The following GLRA2 variants were observed in gnomAD, a reference collection of about 807,000 sequenced individuals.
GLRA2 encodes the protein glycine receptor subunit alpha-2.
Under a neutral mutation model 31.6 loss-of-function variants are expected in GLRA2, and 11 were observed. That is an observed-to-expected ratio of 0.35 (90% CI 0.22 to 0.58). The LOEUF is 0.58. Among genes scored for constraint, GLRA2 ranks in the 20% least tolerant of loss-of-function variants. The pLI, the probability that GLRA2 is intolerant of heterozygous loss-of-function variation, is 0.84. For synonymous variants in GLRA2, 132 were observed against 134.0 expected (o/e 0.99, Z 0.10); for missense variants, 212 against 351.8 (o/e 0.60, Z 3.18).
chrX:14,482,699 T>C, the GLRA2 span, among the ~76,000 whole-genome samples: 1 of 110,765 alleles, frequency 9.0e-6, no homozygotes. Flanking sequence ...GTCCTAAAAT[T>C]GAGCATGTCA....
chrX:14,675,809 T>A (rs2091139393), intron 7 of GLRA2, among the ~76,000 whole-genome samples: 1 of 112,126 alleles, frequency 8.9e-6, no homozygotes, highest in Non-Finnish European at 1.9e-5. Flanking sequence ...CAGGATTAAC[T>A]TGACTATATT....
chrX:14,627,128 A>T (rs1387349243), intron 7 of GLRA2, among the ~76,000 whole-genome samples: 1 of 111,272 alleles, frequency 9.0e-6, no homozygotes, highest in Non-Finnish European at 1.9e-5. Context: ...CTCAATATTT[A>T]AAAAAATAAG....
intron 2 of GLRA2, among the ~76,000 whole-genome samples, chrX:14,553,557 C>T (rs1488662552): frequency 9.0e-6 from 1 of 111,007 alleles, no homozygotes; most frequent in Admixed American, 9.5e-5. Flanking sequence ...TTTTGGTATT[C>T]CCAGGAGCTT....
chrX:14,725,759 T>C (rs1296160452), intron 8 of GLRA2, among the ~76,000 whole-genome samples: 1 of 111,996 alleles, frequency 8.9e-6, no homozygotes, highest in African/African-American at 3.2e-5. Flanking sequence ...ATGAGCAAAT[T>C]TTACAATAAG....
intron 8 of GLRA2, among the ~76,000 whole-genome samples, chrX:14,703,557 T>C (rs1471756601): frequency 9.0e-6 from 1 of 111,719 alleles, no homozygotes; most frequent in African/African-American, 3.3e-5. Context: ...GGATAACATA[T>C]TCACAGGTTC....
upstream of GLRA2, among the ~76,000 whole-genome samples, chrX:14,526,100 G>A (rs2089186356): frequency 8.9e-6 from 1 of 112,243 alleles, no homozygotes; most frequent in Non-Finnish European, 1.9e-5. Flanking sequence ...TTAGAGTAAT[G>A]CAGGTCAGGA....
intron 8 of GLRA2, among the ~76,000 whole-genome samples, chrX:14,727,556 T>A (rs138692108): frequency 1.3e-4 from 15 of 112,321 alleles, no homozygotes; most frequent in African/African-American, 4.5e-4. Context: ...TTCCTTTTCT[T>A]GCTAAGCACT....
chrX:14,524,033 CAA>C, the GLRA2 span, among the ~76,000 whole-genome samples: 1 of 111,582 alleles, frequency 9.0e-6, no homozygotes, highest in African/African-American at 3.3e-5. Context: ...TAATGTGACA[CAA>C]AGACACAAAG....
At chrX:14,568,983 G>T (rs929982223) in intron 2 of GLRA2, among the ~76,000 whole-genome samples, 3 of 112,101 alleles carry the variant, frequency 2.7e-5, no homozygotes, top group Non-Finnish European at 5.6e-5. Flanking sequence ...GGCCAAGTGT[G>T]GTGGCTCATG....
At chrX:14,712,633 T>G (rs895548664) in intron 8 of GLRA2, among the ~76,000 whole-genome samples, 4 of 106,057 alleles carry the variant, frequency 3.8e-5, no homozygotes, top group Non-Finnish European at 5.8e-5. Flanking sequence ...AGTACCAAAA[T>G]CAAGGGTTTA....
rs2091342140 is a variant in GLRA2, at chrX:14,690,879, C to T, written c.1080+20C>T. 1 of 1,201,619 alleles carries T rather than the reference C, an allele frequency of 8.3e-7. No individual in the cohort carries two copies. Among genetic ancestry groups the T allele is most frequent in the African/African-American group, 1.8e-5 (1 of 56,812 alleles). ...AATAAGGTATGATTGCCCCTCAGTTCAGACAATGTAGAGCTTGAGTTGGTT... is the reference window on the plus strand; with the variant it reads ...AATAAGGTATGATTGCCCCTCAGTTTAGACAATGTAGAGCTTGAGTTGGTT... On this transcript the variant is annotated intron_variant, in intron 8 of 8. Transcript: ENST00000218075.
At chrX:14,487,246 C>T in the GLRA2 span, among the ~76,000 whole-genome samples, 101 of 108,920 alleles carry the variant, frequency 9.3e-4, no homozygotes, top group African/African-American at 3.3e-3. Flanking sequence ...TGCTCAGTAA[C>T]CATATGTGTG....
chrX:14,589,670 C>CA (rs199543625), intron 4 of GLRA2, among the ~76,000 whole-genome samples: 11 of 90,347 alleles, frequency 1.2e-4, no homozygotes, highest in East Asian at 3.2e-4. Context: ...GACTCTATCT[C>CA]AAAAAAATAT....
chrX:14,670,538 G>A (rs2091080856), intron 7 of GLRA2, among the ~76,000 whole-genome samples: 1 of 111,783 alleles, frequency 8.9e-6, no homozygotes. Context: ...TGGAAGGCAA[G>A]GAGAAGCAAG....
intron 4 of GLRA2, among the ~76,000 whole-genome samples, chrX:14,585,241 T>G (rs1480217973): frequency 1.8e-5 from 2 of 111,745 alleles, no homozygotes; most frequent in Non-Finnish European, 3.8e-5. Context: ...CTAGAAGGGC[T>G]TTTGATGAAC....
At chrX:14,601,010 TTTG>T (rs750231700) in intron 4 of GLRA2, among the ~76,000 whole-genome samples, 1 of 29,841 alleles carries the variant, frequency 3.4e-5, no homozygotes, top group Non-Finnish European at 7.5e-5. Flanking sequence ...TGTTTTTTTT[TTTG>T]TTTGTTTGTT....
chrX:14,595,634 T>A (rs763274736), intron 4 of GLRA2, among the ~76,000 whole-genome samples: 99 of 111,574 alleles, frequency 8.9e-4, no homozygotes, highest in Non-Finnish European at 1.7e-3. Flanking sequence ...TTCAGGAGCA[T>A]CAAGTCATGC....
the GLRA2 span, among the ~76,000 whole-genome samples, chrX:14,489,050 C>T: frequency 8.9e-6 from 1 of 112,055 alleles, no homozygotes; most frequent in Non-Finnish European, 1.9e-5. Context: ...GTATTGGCTG[C>T]ATACTGAATA....
At chrX:14,568,110 A>T (rs771382936) in intron 2 of GLRA2, among the ~76,000 whole-genome samples, 18 of 111,917 alleles carry the variant, frequency 1.6e-4, no homozygotes, top group African/African-American at 5.8e-4. Context: ...CTTTTTTGGC[A>T]GAAGTGGAAA....
Sources: gnomAD v4.1 joint callset for allele counts (sites outside exome capture counted in the v4.1 genomes callset) on GRCh38, gnomAD v4.1.1 for gene constraint, MANE v1.5 for transcripts, NCBI Gene and HGNC (gene_info 2026-07-23, HGNC 2026-07-21) for gene names.